The following RASGRF1 variants were observed in gnomAD, a reference collection of about 807,000 sequenced individuals.
RASGRF1 encodes the protein Ras protein specific guanine nucleotide releasing factor 1.
RASGRF1 carries 40 observed loss-of-function variants against 138.7 expected under a neutral mutation model. That is an observed-to-expected ratio of 0.29 (90% CI 0.22 to 0.38). RASGRF1 has a LOEUF of 0.38. Among genes scored for constraint, RASGRF1 ranks in the 10% least tolerant of loss-of-function variants. The pLI is 1.00. For missense variants in RASGRF1, 1,108 were observed against 1,650.4 expected (o/e 0.67, Z 5.69); for synonymous variants, 614 against 663.2 (o/e 0.93, Z 1.14).
At chr15:79,084,703 T>C (rs564887079) in intron 1 of RASGRF1, among the ~76,000 whole-genome samples, 8 of 152,328 alleles carry the variant, frequency 5.3e-5, no homozygotes, top group African/African-American at 1.9e-4. Context: ...CCCTTGGGCT[T>C]CTCAAATGTG....
rs767054381 is a variant in RASGRF1 at position 78,973,333 on chromosome 15, G to A, written c.3582C>T (p.Asp1194=). ...TCATCTTGGAGAAGTTGACCAGGCC[G>A]TCTTCCGTGTAATTGGGCGTCCCCT... ...IEEGTPNYTE[D]GLVNFSKMRM... is the part of the protein sequence containing the mutation. The change falls in exon 25 of 27, where the codon GAC becomes GAT. Residue 1194 remains aspartate, a synonymous_variant. Coordinates refer to ENST00000558480, the MANE Select transcript of RASGRF1 (RefSeq NM_001145648.3). The surrounding 1 kb of genome is among the most constrained non-coding windows in gnomAD (Gnocchi z 4.9). The A allele has an allele frequency of 9.9e-6, 16 of 1,613,272 alleles. No homozygotes were observed. Among genetic ancestry groups the A allele is most frequent in the Admixed American group, 6.7e-5 (4 of 59,950 alleles).
At chr15:79,081,999 C>T (rs2057919957) in intron 1 of RASGRF1, among the ~76,000 whole-genome samples, 1 of 152,166 alleles carries the variant, frequency 6.6e-6, no homozygotes, top group Non-Finnish European at 1.5e-5. Context: ...AGGATCCTGC[C>T]CCTGTAAGCT....
chr15:79,087,101 T>C (rs1211292634), intron 1 of RASGRF1, among the ~76,000 whole-genome samples: 3 of 152,216 alleles, frequency 2.0e-5, no homozygotes, highest in Non-Finnish European at 4.4e-5. Flanking sequence ...GCAGTCAGAC[T>C]GGTCTGGATA....
At chr15:79,044,218 C>G (rs1176886009) in intron 5 of RASGRF1, among the ~76,000 whole-genome samples, 4 of 152,222 alleles carry the variant, frequency 2.6e-5, no homozygotes, top group African/African-American at 9.6e-5. Context: ...TGTGATGGCT[C>G]CTTCTTGCCT....
In RASGRF1 at chr15:79,046,891, C is replaced by A; in HGVS notation, c.733G>T (p.Val245Leu). 1.2e-6 allele frequency: 2 copies of A among 1,614,212 alleles called. No homozygotes were observed. Among genetic ancestry groups the A allele is most frequent in the Non-Finnish European group, 1.7e-6 (2 of 1,180,038 alleles). ...ADSMRKRNQV[V>L]FSMLEAEAEY... is the part of the protein sequence containing the mutation. ...GCCTCAGCCTCCAGCATGCTGAACA[C>A]CACCTGGTTCCTCTTGCGCATGCTG... Residue 245 changes from valine to leucine, a missense_variant, in exon 5 of 27, where the codon GTG (valine) becomes TTG (leucine). Physicochemically the swap from Val to Leu is conservative, Grantham distance 32 (BLOSUM62 1). This residue lies in a region of RASGRF1 where 253 missense variants were observed against 329.5 expected (regional missense o/e 0.77). Transcript: ENST00000558480. This position sits in a 1 kb window ranked among gnomAD's most constrained non-coding sequence, Gnocchi z 5.3.
intron 5 of RASGRF1, 56 bp from the exon 6 acceptor site, chr15:79,035,266 G>C (rs546973451): frequency 2.3e-5 from 34 of 1,460,156 alleles, no homozygotes; most frequent in Non-Finnish European, 3.1e-5. Flanking sequence ...CTGCTCCAGA[G>C]GTGACTGTCC....
rs1357467679 is a variant in RASGRF1, at chr15:78,962,206, C to G, written c.3712G>C (p.Val1238Leu). 1.3e-6 allele frequency: 2 copies of G among 1,583,680 alleles called. No individual in the cohort carries two copies. Among genetic ancestry groups the G allele is most frequent in the Admixed American group, 1.7e-5 (1 of 57,984 alleles). ...VTQYLLDQSF[V>L]MDEESLYESS... The stretch of plus-strand genomic sequence containing the variant: ...TCGTAGAGGCTTTCTTCATCCATTA[C>G]AAAAGATTGGTCCAGTAAATATTGC... Residue 1238 changes from valine to leucine, a missense_variant, in exon 27 of 27, where the codon GTA becomes CTA. Val to Leu is a conservative substitution (Grantham distance 32, BLOSUM62 1). Around this residue, in one of 3 missense-constraint regions of RASGRF1, gnomAD observed 686 missense variants for 976.7 expected, o/e 0.70. Coordinates refer to ENST00000558480, the MANE Select transcript of RASGRF1 (RefSeq NM_001145648.3).
chr15:79,032,031 G>A lies in RASGRF1; in HGVS notation c.1152+92C>T. 1 of 1,417,018 alleles carries A rather than the reference G, an allele frequency of 7.1e-7. No individual in the cohort carries two copies. The highest frequency in any genetic ancestry group is 9.5e-7 in the Non-Finnish European group (1 of 1,049,200). The allele number at this position is 1,417,018 out of a possible 1,614,324, so 87.8% of individuals were successfully genotyped here. A position where few individuals can be genotyped will look rare whatever the true frequency, so the allele number is the denominator to read the frequency against. Reference sequence around the variant, plus strand: ...CGCCCCCTTTGGCAGCCCAGAGCTGGGGTGCGTTAAGCACTGTGCCCCCAC... The same window carrying A: ...CGCCCCCTTTGGCAGCCCAGAGCTGAGGTGCGTTAAGCACTGTGCCCCCAC... On this transcript the variant is annotated intron_variant, in intron 7 of 26. Coordinates refer to ENST00000558480, the MANE Select transcript of RASGRF1 (RefSeq NM_001145648.3). This position sits in a 1 kb window ranked among gnomAD's most constrained non-coding sequence, Gnocchi z 4.5.
chr15:78,996,344 A>G (rs1301284675), intron 19 of RASGRF1, among the ~76,000 whole-genome samples: 1 of 152,180 alleles, frequency 6.6e-6, no homozygotes, highest in Non-Finnish European at 1.5e-5. Context: ...GCTCACAGTG[A>G]TGGGCTCAGA....
At chr15:79,070,240 T>C (rs572115830) in intron 1 of RASGRF1, among the ~76,000 whole-genome samples, 32 of 152,270 alleles carry the variant, frequency 2.1e-4, no homozygotes, top group South Asian at 4.2e-4. Context: ...AGTCTCAGGG[T>C]TGCAATAGCC....
intron 10 of RASGRF1, among the ~76,000 whole-genome samples, chr15:79,022,100 T>C (rs916191542): frequency 6.6e-6 from 1 of 152,128 alleles, no homozygotes; most frequent in Non-Finnish European, 1.5e-5. Context: ...GGGATTTGAG[T>C]TGATTTCTGA....
chr15:79,040,020 G>A (rs908403559), intron 5 of RASGRF1, among the ~76,000 whole-genome samples: 5 of 152,228 alleles, frequency 3.3e-5, no homozygotes, highest in African/African-American at 7.2e-5. Context: ...CTTCTGCCTC[G>A]AAAGTGCAGG....
Position 79,058,463 on chromosome 15 carries a change from TGTG to T in RASGRF1, c.399_401del (p.Thr134del). 1 of 1,614,180 alleles carries T rather than the reference TGTG, an allele frequency of 6.2e-7. No homozygotes were observed. Among genetic ancestry groups the T allele is most frequent in the Non-Finnish European group, 8.5e-7 (1 of 1,180,004 alleles). Reference sequence around the variant, plus strand: ...ATTTCTGCATTAATGCCTCATGCTCTGTGGCGAGGGTCCTGTAGCTGTGGACAG... The same window carrying T: ...ATTTCTGCATTAATGCCTCATGCTCTGCGAGGGTCCTGTAGCTGTGGACAG... On this transcript the variant is annotated inframe_deletion, in exon 3 of 27. Coordinates refer to ENST00000558480, the MANE Select transcript of RASGRF1 (RefSeq NM_001145648.3).
At chr15:78,981,773 TG>T (rs1454316656) in intron 23 of RASGRF1, 5 of 152,310 alleles carry the variant, frequency 3.3e-5, no homozygotes, top group African/African-American at 1.2e-4. Flanking sequence ...AGCTGTATTC[TG>T]GATCTGGTGA....
chr15:79,041,072 G>A (rs1174326221), intron 5 of RASGRF1, among the ~76,000 whole-genome samples: 1 of 152,234 alleles, frequency 6.6e-6, no homozygotes, highest in East Asian at 1.9e-4. Context: ...GTATGCCAGG[G>A]GTTGGCAAAG....
At chr15:79,068,394 C>A (rs1180074057) in intron 1 of RASGRF1, among the ~76,000 whole-genome samples, 1 of 151,680 alleles carries the variant, frequency 6.6e-6, no homozygotes, top group Non-Finnish European at 1.5e-5. Flanking sequence ...AACTAAGTCT[C>A]TTCCTCCTTG....
chr15:78,963,736 C>A (rs2093564709), intron 26 of RASGRF1, among the ~76,000 whole-genome samples: 2 of 152,178 alleles, frequency 1.3e-5, no homozygotes, highest in African/African-American at 4.8e-5. Context: ...GATTAATAGT[C>A]ACAGATAAAG....
At chr15:79,044,381 G>A (rs2141021088) in intron 5 of RASGRF1, among the ~76,000 whole-genome samples, 1 of 152,320 alleles carries the variant, frequency 6.6e-6, no homozygotes, top group Non-Finnish European at 1.5e-5. Flanking sequence ...CCTCTTTGGT[G>A]GTTCTCACCA....
At chr15:79,043,766 C>A (rs911992177) in intron 5 of RASGRF1, among the ~76,000 whole-genome samples, 1 of 152,186 alleles carries the variant, frequency 6.6e-6, no homozygotes, top group African/African-American at 2.4e-5. Context: ...TTGTTCTAGG[C>A]AGGCATGCAC....
Sources: gnomAD v4.1 joint callset for allele counts (sites outside exome capture counted in the v4.1 genomes callset) on GRCh38, gnomAD v4.1.1 for gene constraint, gnomAD v4.1.1 regional missense constraint, Gnocchi (gnomAD v3.1) non-coding constraint, MANE v1.5 for transcripts, NCBI Gene and HGNC (gene_info 2026-07-23, HGNC 2026-07-21) for gene names.